The following PIGA variants were observed in gnomAD, a reference collection of about 807,000 sequenced individuals.
The protein encoded by PIGA is phosphatidylinositol N-acetylglucosaminyltransferase subunit A.
In PIGA, 3 loss-of-function variants were observed where a neutral mutation model predicts 17.1. The ratio of observed to expected loss-of-function variants is 0.18; its 90% CI spans 0.08 to 0.45. The LOEUF (loss-of-function observed/expected upper bound fraction) is 0.45, where lower values mean the gene tolerates loss of function less well. PIGA is among the 20% of genes least tolerant of loss of function. The probability of loss-of-function intolerance (pLI) is 0.99; values close to 1 mark genes in which losing one functional copy is unlikely to be tolerated. For missense variants in PIGA, 231 were observed against 374.1 expected, an observed-to-expected ratio of 0.62 and a Z score of 3.16; for synonymous variants, 126 against 135.1, an observed-to-expected ratio of 0.93 and a Z score of 0.47.
At chrX:15,335,133 G>T (rs1032361875) in intron 1 of PIGA, among the ~76,000 whole-genome samples, 4 of 112,283 alleles carry the variant, frequency 3.6e-5, no homozygotes, top group African/African-American at 9.7e-5. Flanking sequence ...CTGAGAGGTC[G>T]CTGGGGAAAC....
At chrX:15,324,547 T>A in intron 5 of PIGA, 118 bp downstream of exon 5, 1 of 545,841 alleles carries the variant, frequency 1.8e-6, no homozygotes, top group Non-Finnish European at 3.1e-6. Flanking sequence ...CTGGAAGAGA[T>A]TTCATCAACT....
At chrX:15,334,734 T>C (rs1214474349) in intron 1 of PIGA, among the ~76,000 whole-genome samples, 1 of 112,033 alleles carries the variant, frequency 8.9e-6, no homozygotes, top group Non-Finnish European at 1.9e-5. Flanking sequence ...ATGTTGTCAT[T>C]AGCCTGCAAC....
chrX:15,325,966 G>C lies in PIGA; in HGVS notation c.796C>G (p.Pro266Ala). ...ACTTCTTCCAAAATGATTCTCTTTG[G>C]TCCCTCTCCTCCAATTATGAAATTT... ...DLNFIIGGEG[P>A]KRIILEEVRE... is the part of the protein sequence containing the mutation. The change falls in exon 3 of 6, where the codon CCA becomes GCA. Residue 266 changes from proline (P) to alanine (A), a missense_variant. Physicochemically the swap from Pro to Ala is conservative, Grantham distance 27 (BLOSUM62 -1). Transcript: ENST00000333590. 8.4e-7 allele frequency: 1 copy of C among 1,190,816 alleles called. No homozygotes were observed. The highest frequency in any genetic ancestry group is 1.1e-6 in the Non-Finnish European group (1 of 878,476).
intron 2 of PIGA, chrX:15,328,482 CCTCT>C (rs1201133145): frequency 8.9e-6 from 1 of 112,040 alleles, no homozygotes; most frequent in Non-Finnish European, 1.9e-5. Context: ...TTTGATTTAT[CCTCT>C]CTCTCACTTA....
chrX:15,326,269 C>A (rs900227774), intron 2 of PIGA: 4 of 251,316 alleles, frequency 1.6e-5, no homozygotes, highest in African/African-American at 1.1e-4. Context: ...GCATTACCTT[C>A]CACACACCCA....
chrX:15,332,551 A>G (rs1922199037), intron 1 of PIGA, among the ~76,000 whole-genome samples: 1 of 112,558 alleles, frequency 8.9e-6, no homozygotes, highest in Non-Finnish European at 1.9e-5. Flanking sequence ...AACACAATGT[A>G]GCAGTCTGAT....
intron 3 of PIGA, 39 bp from the exon 4 acceptor site, chrX:15,325,191 C>A: frequency 8.9e-7 from 1 of 1,125,021 alleles, no homozygotes; most frequent in Middle Eastern, 2.5e-4. Context: ...GGAGTGAAAA[C>A]TCATGCTACA....
At chrX:15,323,117 T>C (rs1179807419) in intron 5 of PIGA, among the ~76,000 whole-genome samples, 1 of 112,048 alleles carries the variant, frequency 8.9e-6, no homozygotes, top group Non-Finnish European at 1.9e-5. Context: ...TACTATTACT[T>C]TAACCAAAAG....
chrX:15,325,321 T>C, intron 3 of PIGA, 169 bp from the exon 4 acceptor site: 1 of 382,091 alleles, frequency 2.6e-6, no homozygotes, highest in Non-Finnish European at 4.3e-6. Context: ...GAAACAGCCT[T>C]ATAAAGCAGT....
intron 1 of PIGA, among the ~76,000 whole-genome samples, chrX:15,335,067 A>G (rs1389958818): frequency 8.9e-6 from 1 of 111,747 alleles, no homozygotes; most frequent in African/African-American, 3.3e-5. Context: ...GGGTCAAGAG[A>G]ATGGTACTTC....
rs909273168 is a variant in PIGA at position 15,335,507 on chromosome X, G to A, written c.-69C>T. 9 of 977,018 alleles carry A rather than the reference G, an allele frequency of 9.2e-6. No individual in the cohort carries two copies. The highest frequency in any genetic ancestry group is 1.2e-5 in the Non-Finnish European group (9 of 776,977). The allele number at this position is 977,018 out of a possible 1,213,427, so 80.5% of individuals were successfully genotyped here. ...CGGCGCGACGCGCACTCACCGGTGA[G>A]TTCCATGGCCGCCAGTGTCCGGACC... is the stretch of plus-strand genomic sequence containing the variant. On this transcript the variant is annotated 5_prime_UTR_variant, in exon 1 of 6. Coordinates refer to ENST00000333590, the MANE Select transcript of PIGA (RefSeq NM_002641.4).
intron 5 of PIGA, among the ~76,000 whole-genome samples, chrX:15,322,522 T>C (rs139205667): frequency 1.4e-3 from 156 of 112,223 alleles, no homozygotes; most frequent in African/African-American, 4.9e-3. Context: ...AAAACGAAGA[T>C]CTTTAAACAT....
intron 2 of PIGA, 75 bp from the exon 3 acceptor site, chrX:15,326,121 C>T: frequency 1.4e-6 from 1 of 704,188 alleles, no homozygotes; most frequent in South Asian, 3.2e-5. Flanking sequence ...ACTGAGAATC[C>T]ACTTATTTTG....
At position 15,321,267 on chromosome X, in the gene PIGA, G is replaced by C; in HGVS notation, c.*239C>G. On this transcript the variant is annotated 3_prime_UTR_variant, in exon 6 of 6. Transcript: ENST00000333590. ...AGGGATTTCAGTAGTCTGAAAAATTGCATACCTGAGTGGCTTAAATGTTCT... is the reference window on the plus strand; with the variant it reads ...AGGGATTTCAGTAGTCTGAAAAATTCCATACCTGAGTGGCTTAAATGTTCT... 3.3e-6 allele frequency: 1 copy of C among 306,708 alleles called. No individual in the cohort carries two copies. Among genetic ancestry groups the C allele is most frequent in the East Asian group, 5.3e-5 (1 of 18,915 alleles). 25.3% of individuals were successfully genotyped at this position (306,708 alleles called of 1,213,427 possible).
chrX:15,321,748 C>G lies in PIGA; in HGVS notation c.1213G>C (p.Ala405Pro). The change falls in exon 6 of 6, where the codon GCT (alanine) becomes CCT (proline). Residue 405 changes from alanine to proline, a missense_variant. By Grantham distance (27) the Ala-to-Pro change is conservative (BLOSUM62 -1). Coordinates refer to ENST00000333590, the MANE Select transcript of PIGA (RefSeq NM_002641.4). ...AGTCGTTTGTCCATTGGCAACACAG[C>G]TTCCACTGATACCCGGTCATATACC... ...EKVYDRVSVE[A>P]VLPMDKRLDR... is the part of the protein sequence containing the mutation. 1 of 1,211,065 alleles carries G rather than the reference C, an allele frequency of 8.3e-7. No homozygotes were observed. The highest frequency in any genetic ancestry group is 1.1e-6 in the Non-Finnish European group (1 of 894,720).
intron 1 of PIGA, 155 bp downstream of exon 1, chrX:15,335,346 C>T: frequency 4.4e-6 from 2 of 456,244 alleles, no homozygotes; most frequent in Non-Finnish European, 3.2e-6. Flanking sequence ...ACCCTCAGCC[C>T]CAACCTACTC....
chrX:15,321,241 C>T lies in PIGA; in HGVS notation c.*265G>A, dbSNP rs1921800030. The T allele has an allele frequency of 3.8e-6, 1 of 264,173 alleles. No individual in the cohort carries two copies. The highest frequency in any genetic ancestry group is 6.7e-6 in the Non-Finnish European group (1 of 149,356). 21.8% of individuals were successfully genotyped at this position (264,173 alleles called of 1,213,427 possible). On this transcript the variant is annotated 3_prime_UTR_variant, in exon 6 of 6. Coordinates refer to ENST00000333590, the MANE Select transcript of PIGA (RefSeq NM_002641.4). ...ATATAATGTTAAAACATCTCTGCTACAGGGATTTCAGTAGTCTGAAAAATT... is the reference window on the plus strand; with the variant it reads ...ATATAATGTTAAAACATCTCTGCTATAGGGATTTCAGTAGTCTGAAAAATT...
At position 15,321,797 on chromosome X, in the gene PIGA, A is replaced by C. The variant is rs764561323; in HGVS notation, c.1189-25T>G. On this transcript the variant is annotated intron_variant, in intron 5 of 5. Coordinates refer to ENST00000333590, the MANE Select transcript of PIGA (RefSeq NM_002641.4). ...CCTGGAGGGAGAGAAGCCAAGTGTG[A>C]GCACTTTCACCCATCACCCCATCAC... 7 of 1,191,942 alleles carry C rather than the reference A, an allele frequency of 5.9e-6. No homozygotes were observed. The South Asian group carries it at 1.3e-4, about 21-fold the overall frequency.
rs1419326213 is a variant in PIGA, at chrX:15,320,910, G to A, written c.*596C>T. On this transcript the variant is annotated 3_prime_UTR_variant, in exon 6 of 6. Coordinates refer to ENST00000333590, the MANE Select transcript of PIGA (RefSeq NM_002641.4). ...CACCCCTGGTCCTTAATGGCGGGAAGCATCTAGTTCAACATTCTACACAGA... is the reference window on the plus strand; with the variant it reads ...CACCCCTGGTCCTTAATGGCGGGAAACATCTAGTTCAACATTCTACACAGA... 9.0e-6 allele frequency: 1 copy of A among 111,580 alleles called. No individual in the cohort carries two copies. Among genetic ancestry groups the A allele is most frequent in the East Asian group, 2.8e-4 (1 of 3,591 alleles). The allele number at this position is 111,580 out of a possible 1,213,427, so 9.2% of individuals were successfully genotyped here. A position where few individuals can be genotyped will look rare whatever the true frequency, so the allele number is the denominator to read the frequency against.
Sources: allele counts gnomAD v4.1 joint callset (sites outside exome capture counted in the v4.1 genomes callset), GRCh38; gene constraint gnomAD v4.1.1; transcripts MANE v1.5; gene names NCBI Gene and HGNC (gene_info 2026-07-23, HGNC 2026-07-21).